LPAR3: variants seen among roughly 807,000 people sequenced by gnomAD.
LPAR3 encodes LPA receptor 3.
LPAR3 carries 7 observed loss-of-function variants against 17.8 expected under a neutral mutation model. The ratio of observed to expected loss-of-function variants is 0.39; its 90% CI spans 0.22 to 0.74. LPAR3 has a LOEUF of 0.74. Ranked by LOEUF, LPAR3 falls within the 30% of genes least tolerant of loss-of-function variation. The pLI, the probability that LPAR3 is intolerant of heterozygous loss-of-function variation, is 0.40. For missense variants in LPAR3, 391 were observed against 453.4 expected, an observed-to-expected ratio of 0.86 and a Z score of 1.25; for synonymous variants, 179 against 179.9, an observed-to-expected ratio of 0.99 and a Z score of 0.04.
At chr1:84,867,893 A>C (rs561446348) in intron 1 of LPAR3, among the ~76,000 whole-genome samples, 2 of 152,338 alleles carry the variant, frequency 1.3e-5, no homozygotes, top group African/African-American at 4.8e-5. Context: ...TATTATATGA[A>C]TAGGCCACAC....
intron 2 of LPAR3, among the ~76,000 whole-genome samples, chr1:84,845,962 C>T (rs1659588919): frequency 6.6e-6 from 1 of 152,136 alleles, no homozygotes; most frequent in South Asian, 2.1e-4. Flanking sequence ...TTCCACACAG[C>T]CACAATCCTA....
In LPAR3 at chr1:84,843,391, G is replaced by C. The variant is rs9726937; in HGVS notation, c.736+21994C>G. Among the ~76,000 whole-genome samples the C allele has an allele frequency of 5.2e-3, 785 of 152,220 alleles. 12 individuals are homozygous for C. Among genetic ancestry groups the C allele is most frequent in the African/African-American group, 0.018 (736 of 41,520 alleles). On this transcript the variant is annotated intron_variant, in intron 2 of 2. Coordinates refer to ENST00000370611, the MANE Select transcript of LPAR3 (RefSeq NM_012152.3). ...TTCCAACAAACCTCTTTTTTCAACT[G>C]TGATTTCTTCTCTCCAATGGTATTA...
intron 2 of LPAR3, among the ~76,000 whole-genome samples, chr1:84,850,615 C>A (rs1305872186): frequency 1.3e-5 from 2 of 151,910 alleles, no homozygotes; most frequent in African/African-American, 4.8e-5. Flanking sequence ...ACAAAACTAA[C>A]AATCACCAGG....
intron 2 of LPAR3, among the ~76,000 whole-genome samples, chr1:84,822,219 G>A (rs902843392): frequency 1.3e-5 from 2 of 151,990 alleles, no homozygotes; most frequent in South Asian, 4.1e-4. Flanking sequence ...TTTTAATGAT[G>A]TTCTACATTC....
intron 1 of LPAR3, among the ~76,000 whole-genome samples, chr1:84,869,654 T>C (rs547441442): frequency 6.6e-6 from 1 of 152,336 alleles, no homozygotes; most frequent in Non-Finnish European, 1.5e-5. Context: ...CTGTGAGTCA[T>C]TTTTTAAAAA....
intron 2 of LPAR3, among the ~76,000 whole-genome samples, chr1:84,824,912 T>C (rs1659126243): frequency 6.6e-6 from 1 of 152,232 alleles, no homozygotes; most frequent in Non-Finnish European, 1.5e-5. Context: ...CAACTTAGAT[T>C]ACCCAGTGCT....
intron 2 of LPAR3, among the ~76,000 whole-genome samples, chr1:84,818,054 G>A (rs1419446108): frequency 6.6e-6 from 1 of 152,142 alleles, no homozygotes; most frequent in Non-Finnish European, 1.5e-5. Context: ...CTGATCGGCT[G>A]TGTGCCTTTG....
chr1:84,843,805 T>A (rs961331357), intron 2 of LPAR3, among the ~76,000 whole-genome samples: 1 of 152,258 alleles, frequency 6.6e-6, no homozygotes, highest in African/African-American at 2.4e-5. Context: ...CTGGAACCCA[T>A]CAAGCTGGCT....
rs1018814171 is a variant in LPAR3 at position 84,836,519 on chromosome 1, A to T, written c.737-22348T>A. On this transcript the variant is annotated intron_variant, in intron 2 of 2. Coordinates refer to ENST00000370611, the MANE Select transcript of LPAR3 (RefSeq NM_012152.3). ...ATGAAATTTAAAGTTCTACTGTTTA[A>T]AACTGACATGTTCCTTTCTTCTCAA... 3.3e-5 allele frequency among the ~76,000 whole-genome samples: 5 copies of T among 152,338 alleles called. No homozygotes were observed. The East Asian group carries it at 9.6e-4, about 29-fold the overall frequency.
chr1:84,876,444 C>T (rs973292539), intron 1 of LPAR3, among the ~76,000 whole-genome samples: 4 of 152,122 alleles, frequency 2.6e-5, no homozygotes, highest in Non-Finnish European at 2.9e-5. Flanking sequence ...ACTGATTTCT[C>T]CTGCCTCCTC....
chr1:84,850,244 G>A (rs1227262503), intron 2 of LPAR3, among the ~76,000 whole-genome samples: 2 of 151,872 alleles, frequency 1.3e-5, no homozygotes, highest in African/African-American at 2.4e-5. Context: ...ACCAGCCACC[G>A]CACAAAGGAG....
intron 1 of LPAR3, among the ~76,000 whole-genome samples, chr1:84,888,627 CA>C (rs1175524373): frequency 3.9e-5 from 6 of 152,274 alleles, no homozygotes; most frequent in African/African-American, 9.6e-5. Context: ...AAGGGGAGAC[CA>C]GGGGCTTGCC....
intron 2 of LPAR3, among the ~76,000 whole-genome samples, chr1:84,824,258 T>C (rs1659106725): frequency 6.6e-6 from 1 of 152,128 alleles, no homozygotes; most frequent in South Asian, 2.1e-4. Context: ...GTTGAAACCA[T>C]GCTGCCTTAC....
intron 2 of LPAR3, among the ~76,000 whole-genome samples, chr1:84,848,073 C>T (rs1659625718): frequency 6.6e-6 from 1 of 152,320 alleles, no homozygotes; most frequent in Non-Finnish European, 1.5e-5. Context: ...AGGCATGGGC[C>T]TTTGTGAGTC....
At chr1:84,864,251 C>A (rs528853413) in intron 2 of LPAR3, among the ~76,000 whole-genome samples, 1 of 151,984 alleles carries the variant, frequency 6.6e-6, no homozygotes, top group East Asian at 1.9e-4. Flanking sequence ...AGAATCTGAC[C>A]ATCACCTTCA....
chr1:84,827,630 C>A (rs1462960638), intron 2 of LPAR3, among the ~76,000 whole-genome samples: 1 of 152,092 alleles, frequency 6.6e-6, no homozygotes, highest in Non-Finnish European at 1.5e-5. Context: ...TACCCGTGGT[C>A]CCTGTGCCCC....
chr1:84,871,594 C>T (rs946956033), intron 1 of LPAR3, among the ~76,000 whole-genome samples: 2 of 152,206 alleles, frequency 1.3e-5, no homozygotes, highest in African/African-American at 2.4e-5. Flanking sequence ...TTAGGAAACT[C>T]TATCCAGATG....
At chr1:84,845,461 C>T (rs1171836095) in intron 2 of LPAR3, among the ~76,000 whole-genome samples, 1 of 152,294 alleles carries the variant, frequency 6.6e-6, no homozygotes, top group Admixed American at 6.5e-5. Context: ...TCCCACACTA[C>T]TCAGAGCAGG....
rs1245328183 is a variant in LPAR3, at chr1:84,812,901, T to C, written c.*945A>G. 1.3e-5 allele frequency: 2 copies of C among 151,886 alleles called. No homozygotes were observed. The highest frequency in any genetic ancestry group is 4.8e-5 in the African/African-American group (2 of 41,300). The allele number at this position is 151,886 out of a possible 1,614,324, so 9.4% of individuals were successfully genotyped here. A position where few individuals can be genotyped will look rare whatever the true frequency, so the allele number is the denominator to read the frequency against. ...TAGGCACTTCAAACTTCACATTCTCTTCTCCTTGTTTTCTGCATAAACCCT... is the reference window on the plus strand; with the variant it reads ...TAGGCACTTCAAACTTCACATTCTCCTCTCCTTGTTTTCTGCATAAACCCT... On this transcript the variant is annotated 3_prime_UTR_variant, in exon 3 of 3. Transcript: ENST00000370611.
Sources: gnomAD v4.1 joint callset for allele counts (sites outside exome capture counted in the v4.1 genomes callset) on GRCh38, gnomAD v4.1.1 for gene constraint, MANE v1.5 for transcripts, NCBI Gene and HGNC (gene_info 2026-07-23, HGNC 2026-07-21) for gene names.